CNTNAP2: variants seen among roughly 807,000 people sequenced by gnomAD.
CNTNAP2 encodes the protein contactin-associated protein-like 2.
CNTNAP2 carries 98 observed loss-of-function variants against 155.2 expected under a neutral mutation model. That is an observed-to-expected ratio of 0.63 (90% CI 0.54 to 0.75). CNTNAP2 has a LOEUF of 0.75. Among genes scored for constraint, CNTNAP2 ranks in the 30% least tolerant of loss-of-function variants. CNTNAP2 has a pLI of 0.00. For synonymous variants in CNTNAP2, 651 were observed against 631.2 expected (o/e 1.03, Z -0.47); for missense variants, 1,727 against 1,688.1 (o/e 1.02, Z -0.40).
chr7:146,941,547 T>C (rs115745506), intron 3 of CNTNAP2, among the ~76,000 whole-genome samples: 246 of 152,270 alleles, frequency 1.6e-3, no homozygotes, highest in African/African-American at 5.6e-3. Flanking sequence ...AGTATGAAGA[T>C]AGTCTGAACT....
At chr7:146,386,727 A>G (rs2129105869) in intron 1 of CNTNAP2, among the ~76,000 whole-genome samples, 1 of 152,322 alleles carries the variant, frequency 6.6e-6, no homozygotes, top group African/African-American at 2.4e-5. Flanking sequence ...TTTATTGTAA[A>G]TAATTGCCTC....
At chr7:147,116,069 T>C (rs923689102) in intron 5 of CNTNAP2, among the ~76,000 whole-genome samples, 5 of 152,236 alleles carry the variant, frequency 3.3e-5, no homozygotes, top group East Asian at 3.9e-4. Flanking sequence ...CACTCATCCA[T>C]AGGGCTATTG....
At chr7:147,356,955 C>T (rs1226729177) in intron 9 of CNTNAP2, among the ~76,000 whole-genome samples, 1 of 152,080 alleles carries the variant, frequency 6.6e-6, no homozygotes, top group African/African-American at 2.4e-5. Context: ...TCTGGAAAGT[C>T]ATCTTCTGTA....
At chr7:148,178,731 A>C (rs1794986833) in intron 18 of CNTNAP2, among the ~76,000 whole-genome samples, 2 of 152,242 alleles carry the variant, frequency 1.3e-5, no homozygotes, top group African/African-American at 4.8e-5. Flanking sequence ...GATACCTTGA[A>C]AATCACACAG....
intron 21 of CNTNAP2, among the ~76,000 whole-genome samples, chr7:148,324,794 C>CAAAAAAAAAA (rs72157861): frequency 0.18 from 18,745 of 104,702 alleles, 2,498 homozygotes; most frequent in Non-Finnish European, 0.24. Context: ...GACTCCATCT[C>CAAAAAAAAAA]AAAAAAAAAA....
At chr7:148,349,460 G>A (rs1187815810) in intron 21 of CNTNAP2, among the ~76,000 whole-genome samples, 1 of 146,800 alleles carries the variant, frequency 6.8e-6, no homozygotes, top group Non-Finnish European at 1.5e-5. Flanking sequence ...GGAGTGCAGT[G>A]GCGCTATCTC....
chr7:146,125,406 C>T (rs933531632), intron 1 of CNTNAP2, among the ~76,000 whole-genome samples: 1 of 151,680 alleles, frequency 6.6e-6, no homozygotes, highest in South Asian at 2.1e-4. Context: ...GAAACCCCAT[C>T]TCTACTAAAA....
At chr7:147,779,968 G>T (rs890534526) in intron 13 of CNTNAP2, among the ~76,000 whole-genome samples, 3 of 152,170 alleles carry the variant, frequency 2.0e-5, no homozygotes, top group African/African-American at 7.2e-5. Context: ...TAGGTAGAGT[G>T]ATTTTAGATG....
intron 1 of CNTNAP2, among the ~76,000 whole-genome samples, chr7:146,426,614 T>C (rs1270188791): frequency 8.3e-6 from 1 of 120,280 alleles, no homozygotes; most frequent in African/African-American, 4.0e-5. Context: ...CTCATTTCAA[T>C]AACACCTTTA....
chr7:148,407,703 T>TAA (rs57666141), intron 22 of CNTNAP2, among the ~76,000 whole-genome samples: 28,273 of 90,888 alleles, frequency 0.31, 5,499 homozygotes, highest in East Asian at 0.51. Context: ...GACCAAATCT[T>TAA]AAAAAAAAAA....
chr7:148,048,127 T>C (rs1585096482), intron 15 of CNTNAP2, among the ~76,000 whole-genome samples: 1 of 151,760 alleles, frequency 6.6e-6, no homozygotes, highest in East Asian at 1.9e-4. Flanking sequence ...GGTTTCACCC[T>C]GTGAGCCAGG....
intron 1 of CNTNAP2, among the ~76,000 whole-genome samples, chr7:146,603,248 T>C (rs1313935560): frequency 6.6e-6 from 1 of 150,874 alleles, no homozygotes; most frequent in African/African-American, 2.4e-5. Context: ...CCGTCTCTAC[T>C]AAAAATACAA....
At chr7:146,999,930 G>A (rs1798389852) in intron 3 of CNTNAP2, among the ~76,000 whole-genome samples, 1 of 151,738 alleles carries the variant, frequency 6.6e-6, no homozygotes, top group South Asian at 2.1e-4. Flanking sequence ...AGTTTGGAAA[G>A]TTTTCTCCTT....
intron 10 of CNTNAP2, among the ~76,000 whole-genome samples, chr7:147,461,206 C>G (rs1798017492): frequency 6.6e-6 from 1 of 152,006 alleles, no homozygotes; most frequent in South Asian, 2.1e-4. Flanking sequence ...AAATACATAA[C>G]AAAATATTTG....
At chr7:147,314,036 G>A (rs904923754) in intron 9 of CNTNAP2, among the ~76,000 whole-genome samples, 1 of 152,110 alleles carries the variant, frequency 6.6e-6, no homozygotes, top group African/African-American at 2.4e-5. Flanking sequence ...TTGTGAATGG[G>A]AGTTCACTCA....
At chr7:147,581,781 T>A (rs909488715) in intron 12 of CNTNAP2, among the ~76,000 whole-genome samples, 7 of 152,160 alleles carry the variant, frequency 4.6e-5, no homozygotes, top group Non-Finnish European at 8.8e-5. Flanking sequence ...ATGTTTCTAG[T>A]GGTATGACTG....
intron 14 of CNTNAP2, among the ~76,000 whole-genome samples, chr7:147,936,395 G>T (rs116992233): frequency 0.023 from 3,545 of 151,610 alleles, 63 homozygotes; most frequent in Non-Finnish European, 0.039. Context: ...ACTTCAGTAT[G>T]ACTTAATCTG....
rs542996162 is a variant in CNTNAP2 at position 146,952,635 on chromosome 7, T to C, written c.403-91272T>C. ...CACAAGCATTCCTATACACCAATAA[T>C]AGACAAACAAAGAGCCAAATCATGA... On this transcript the variant is annotated intron_variant, in intron 3 of 23. Transcript: ENST00000361727. Among the ~76,000 whole-genome samples, 16 of 152,012 alleles carry C rather than the reference T, an allele frequency of 1.1e-4. 1 individual carries two copies. The South Asian group carries it at 2.9e-3, about 28-fold the overall frequency.
At chr7:146,282,932 G>A (rs1800272469) in intron 1 of CNTNAP2, among the ~76,000 whole-genome samples, 1 of 152,142 alleles carries the variant, frequency 6.6e-6, no homozygotes, top group South Asian at 2.1e-4. Flanking sequence ...TAATATTAAA[G>A]TTTTACATTT....
Sources: allele counts gnomAD v4.1 joint callset (sites outside exome capture counted in the v4.1 genomes callset), GRCh38; gene constraint gnomAD v4.1.1; transcripts MANE v1.5; gene names NCBI Gene and HGNC (gene_info 2026-07-23, HGNC 2026-07-21).